SLC30A8: variants seen among roughly 807,000 people sequenced by gnomAD.
SLC30A8 encodes proton-coupled zinc antiporter SLC30A8.
Under a neutral mutation model 36.9 loss-of-function variants are expected in SLC30A8, and 27 were observed. The ratio of observed to expected loss-of-function variants is 0.73; its 90% CI spans 0.54 to 1.01. The LOEUF is 1.01. SLC30A8 is among the 50% of genes least tolerant of loss of function. The pLI, the probability that SLC30A8 is intolerant of heterozygous loss-of-function variation, is 0.00. For synonymous variants in SLC30A8, 164 were observed against 172.4 expected (o/e 0.95, Z 0.38); for missense variants, 439 against 452.0 (o/e 0.97, Z 0.26).
intron 1 of SLC30A8, among the ~76,000 whole-genome samples, chr8:116,968,887 C>A (rs1814689290): frequency 1.3e-5 from 2 of 152,048 alleles, no homozygotes; most frequent in African/African-American, 4.8e-5. Flanking sequence ...CAGGCATGCA[C>A]CACCATGCCT....
intron 1 of SLC30A8, among the ~76,000 whole-genome samples, chr8:117,136,774 C>T (rs1821382425): frequency 6.6e-6 from 1 of 151,968 alleles, no homozygotes; most frequent in South Asian, 2.1e-4. Context: ...TATTTCCCTT[C>T]TTATTAACAT....
At chr8:117,062,812 G>C (rs1818061138) in intron 2 of SLC30A8, among the ~76,000 whole-genome samples, 1 of 152,208 alleles carries the variant, frequency 6.6e-6, no homozygotes, top group African/African-American at 2.4e-5. Flanking sequence ...GCAGGGCCGA[G>C]TCTCTTTGAT....
intron 2 of SLC30A8, among the ~76,000 whole-genome samples, chr8:117,118,998 C>T (rs180878508): frequency 3.3e-5 from 5 of 151,896 alleles, no homozygotes; most frequent in South Asian, 2.1e-4. Flanking sequence ...TGTGGGGATT[C>T]GGATTGGGTA....
intron 1 of SLC30A8, among the ~76,000 whole-genome samples, chr8:116,990,407 G>T (rs368977631): frequency 6.6e-6 from 1 of 152,064 alleles, no homozygotes; most frequent in Non-Finnish European, 1.5e-5. Context: ...TTGATATTAT[G>T]TACTTTCCGA....
chr8:117,017,660 A>G (rs1816562565), intron 1 of SLC30A8, among the ~76,000 whole-genome samples: 1 of 152,238 alleles, frequency 6.6e-6, no homozygotes, highest in South Asian at 2.1e-4. Flanking sequence ...ACAATTTCAG[A>G]ATACCTGTGA....
At chr8:117,041,073 G>T (rs1416008961) in intron 2 of SLC30A8, among the ~76,000 whole-genome samples, 1 of 152,206 alleles carries the variant, frequency 6.6e-6, no homozygotes, top group Non-Finnish European at 1.5e-5. Flanking sequence ...ATGCATGCTG[G>T]ATTCCGCGGT....
intron 6 of SLC30A8, among the ~76,000 whole-genome samples, chr8:117,166,991 G>GTC (rs1176711655): frequency 1.3e-5 from 2 of 151,846 alleles, no homozygotes; most frequent in African/African-American, 4.8e-5. Flanking sequence ...TGAATTTTCT[G>GTC]TCTCTAAACA....
At chr8:116,957,734 G>T (rs569212084) in intron 1 of SLC30A8, among the ~76,000 whole-genome samples, 1 of 152,278 alleles carries the variant, frequency 6.6e-6, no homozygotes, top group South Asian at 2.1e-4. Flanking sequence ...GAATGGTGAG[G>T]TATTTCTATT....
chr8:117,058,441 A>C (rs7833193), intron 2 of SLC30A8, among the ~76,000 whole-genome samples: 49,319 of 151,996 alleles, frequency 0.32, 8,790 homozygotes, highest in African/African-American at 0.48. Context: ...GTGTCATATC[A>C]AAAAAATCAT....
chr8:116,960,678 A>G (rs1015005967), intron 1 of SLC30A8, among the ~76,000 whole-genome samples: 11 of 152,242 alleles, frequency 7.2e-5, no homozygotes, highest in African/African-American at 1.4e-4. Flanking sequence ...TTGACTAAAT[A>G]TATTTGGAAT....
At chr8:117,121,238 C>T (rs1430096641) in intron 2 of SLC30A8, among the ~76,000 whole-genome samples, 1 of 151,792 alleles carries the variant, frequency 6.6e-6, no homozygotes, top group Non-Finnish European at 1.5e-5. Flanking sequence ...GTGGAAGTAG[C>T]CTAAACATTC....
chr8:117,099,425 C>T (rs1220203485), intron 2 of SLC30A8, among the ~76,000 whole-genome samples: 1 of 152,158 alleles, frequency 6.6e-6, no homozygotes, highest in Non-Finnish European at 1.5e-5. Context: ...AACCCAAGCC[C>T]TCCAGTCTCA....
chr8:117,000,278 C>T (rs907220186), intron 1 of SLC30A8, among the ~76,000 whole-genome samples: 5 of 152,078 alleles, frequency 3.3e-5, no homozygotes, highest in Non-Finnish European at 5.9e-5. Flanking sequence ...ATTCCTATGA[C>T]CGAGTTGTCT....
intron 1 of SLC30A8, among the ~76,000 whole-genome samples, chr8:117,015,229 A>G (rs1466831684): frequency 6.6e-6 from 1 of 152,104 alleles, no homozygotes; most frequent in Non-Finnish European, 1.5e-5. Flanking sequence ...TCTACACCAC[A>G]TAGAGATTTA....
intron 1 of SLC30A8, among the ~76,000 whole-genome samples, chr8:117,012,454 T>C (rs1816373987): frequency 6.6e-6 from 1 of 152,030 alleles, no homozygotes; most frequent in African/African-American, 2.4e-5. Context: ...ATACAGACTT[T>C]TGTCATGTCA....
At chr8:117,151,377 T>C (rs561225996) in intron 2 of SLC30A8, among the ~76,000 whole-genome samples, 1 of 152,324 alleles carries the variant, frequency 6.6e-6, no homozygotes, top group Admixed American at 6.5e-5. Flanking sequence ...GGCTGGATAA[T>C]TGAATTAATT....
At chr8:117,025,855 T>A (rs1285244092) in intron 1 of SLC30A8, among the ~76,000 whole-genome samples, 1 of 152,216 alleles carries the variant, frequency 6.6e-6, no homozygotes, top group African/African-American at 2.4e-5. Context: ...GATGCTCTTC[T>A]TAGGAGAAGA....
At chr8:117,090,435 C>T (rs918291992) in intron 2 of SLC30A8, among the ~76,000 whole-genome samples, 4 of 152,164 alleles carry the variant, frequency 2.6e-5, no homozygotes, top group African/African-American at 9.7e-5. Flanking sequence ...GACTGGGTAA[C>T]ATAAACAAAA....
intron 2 of SLC30A8, among the ~76,000 whole-genome samples, chr8:117,104,657 G>C (rs890049536): frequency 2.0e-5 from 3 of 152,108 alleles, no homozygotes; most frequent in African/African-American, 7.2e-5. Flanking sequence ...AGGATTCTTG[G>C]ATCTCATGCA....
Sources: gnomAD v4.1 joint callset for allele counts (sites outside exome capture counted in the v4.1 genomes callset) on GRCh38, gnomAD v4.1.1 for gene constraint, MANE v1.5 for transcripts, NCBI Gene and HGNC (gene_info 2026-07-23, HGNC 2026-07-21) for gene names.